DCX: variants seen among roughly 807,000 people sequenced by gnomAD.
DCX encodes the protein doublecortin.
DCX carries 4 observed loss-of-function variants against 20.9 expected under a neutral mutation model. The ratio of observed to expected loss-of-function variants is 0.19; its 90% confidence interval spans 0.09 to 0.44. DCX has a LOEUF of 0.44. Ranked by LOEUF, DCX falls within the 20% of genes least tolerant of loss-of-function variation. DCX has a pLI of 0.99. For synonymous variants in DCX, 103 were observed against 111.4 expected (o/e 0.92, Z 0.47); for missense variants, 133 against 296.9 (o/e 0.45, Z 4.06).
At chrX:111,395,532 G>A (rs997802921) in intron 3 of DCX, among the ~76,000 whole-genome samples, 7 of 112,011 alleles carry the variant, frequency 6.2e-5, no homozygotes, top group Non-Finnish European at 3.8e-5. Context: ...TTGATGTTTG[G>A]CCACTCTTTT....
At chrX:111,318,191 A>G (rs1259568584) in intron 5 of DCX, among the ~76,000 whole-genome samples, 2 of 105,215 alleles carry the variant, frequency 1.9e-5, no homozygotes, top group Non-Finnish European at 3.9e-5. Context: ...TCTCAAAAAA[A>G]AAAAAAAAAA....
chrX:111,314,124 T>C (rs1285419742), intron 5 of DCX, among the ~76,000 whole-genome samples: 2 of 111,531 alleles, frequency 1.8e-5, no homozygotes, highest in African/African-American at 3.3e-5. Flanking sequence ...GAGACATCAG[T>C]GTAGTGGTTG....
intron 3 of DCX, among the ~76,000 whole-genome samples, chrX:111,377,183 G>T (rs1925603751): frequency 9.0e-6 from 1 of 111,648 alleles, no homozygotes; most frequent in African/African-American, 3.3e-5. Context: ...TTGAAGAGCT[G>T]CAAAAAATCA....
At chrX:111,408,457 C>T (rs1420553679) in intron 2 of DCX, among the ~76,000 whole-genome samples, 2 of 109,504 alleles carry the variant, frequency 1.8e-5, no homozygotes, top group African/African-American at 3.3e-5. Context: ...CCCACCTCTA[C>T]TAAAAATACA....
intron 6 of DCX, among the ~76,000 whole-genome samples, chrX:111,305,769 G>A (rs759905985): frequency 2.4e-4 from 27 of 110,667 alleles, no homozygotes; most frequent in Non-Finnish European, 4.0e-4. Flanking sequence ...GTATAAAGAT[G>A]TAATTTGTAT....
In DCX at chrX:111,400,986, C is replaced by T. The variant is rs1362913265; in HGVS notation, c.705+4G>A. On this transcript the variant is annotated splice_donor_region_variant and intron_variant, in intron 3 of 6. Coordinates refer to ENST00000636035, the MANE Select transcript of DCX (RefSeq NM_001195553.2). ...CGGGAAAAGTACTTTGAAAAAGTAC[C>T]TACCTGTTTTCCATCCAGAGTGTAG... 5.8e-6 allele frequency: 7 copies of T among 1,206,230 alleles called. No individual in the cohort carries two copies. The highest frequency in any genetic ancestry group is 7.9e-6 in the Non-Finnish European group (7 of 890,599).
intron 3 of DCX, among the ~76,000 whole-genome samples, chrX:111,340,220 C>A (rs1046532468): frequency 1.8e-5 from 2 of 112,595 alleles, no homozygotes; most frequent in Non-Finnish European, 3.8e-5. Flanking sequence ...GGTCCCAAGA[C>A]ATGTCCACAA....
rs1225943807 is a variant in DCX, at chrX:111,300,718, C to T, written c.*969G>A. ...GCCTGAAGAGTTTGCTCCTGAAATA[C>T]AGACATGAATTTTTATAAAAAGGAT... On this transcript the variant is annotated 3_prime_UTR_variant, in exon 7 of 7. Coordinates refer to ENST00000636035, the MANE Select transcript of DCX (RefSeq NM_001195553.2). 1.8e-5 allele frequency: 2 copies of T among 108,673 alleles called. No homozygotes were observed. Among genetic ancestry groups the T allele is most frequent in the Non-Finnish European group, 3.8e-5 (2 of 52,358 alleles). 9.0% of individuals were successfully genotyped at this position (108,673 alleles called of 1,213,427 possible). A position where few individuals can be genotyped will look rare whatever the true frequency, so the allele number is the denominator to read the frequency against.
At chrX:111,401,736 A>G (rs1927809403) in intron 2 of DCX, among the ~76,000 whole-genome samples, 1 of 110,802 alleles carries the variant, frequency 9.0e-6, no homozygotes, top group Non-Finnish European at 1.9e-5. Context: ...TCCCTGTCCT[A>G]TTTTTGGACT....
rs2147276399 is a variant in DCX, at chrX:111,410,190, T to C, written c.209A>G (p.Tyr70Cys). 1 of 1,211,661 alleles carries C rather than the reference T, an allele frequency of 8.3e-7. No individual in the cohort carries two copies. Among genetic ancestry groups the C allele is most frequent in the Non-Finnish European group, 1.1e-6 (1 of 895,523 alleles). Residue 70 changes from tyrosine to cysteine, a missense_variant, in exon 2 of 7, where the codon TAC (tyrosine) becomes TGC (cysteine). Tyr to Cys is a radical substitution (Grantham distance 194). Coordinates refer to ENST00000636035, the MANE Select transcript of DCX (RefSeq NM_001195553.2). ...GCGAAAACGGTCAGAGGACACAGCG[T>C]ACACAATCCCCTTGAAGTAGCGGTC... ...NGDRYFKGIV[Y>C]AVSSDRFRSF... is the part of the protein sequence containing the mutation.
rs1354294892 is a variant in DCX, at chrX:111,381,050, A to G, written c.705+19940T>C. Among the ~76,000 whole-genome samples, 4 of 110,716 alleles carry G rather than the reference A, an allele frequency of 3.6e-5. No individual in the cohort carries two copies. In the East Asian group the frequency reaches 8.5e-4, roughly 24 times the overall value. On this transcript the variant is annotated intron_variant, in intron 3 of 6. Coordinates refer to ENST00000636035, the MANE Select transcript of DCX (RefSeq NM_001195553.2). ...TAAAACCCAGGTATTTTGACTCCCA[A>G]TCAAAGATGTTTTTACCATCAACAT...
At chrX:111,333,424 C>T (rs1921443485) in intron 3 of DCX, among the ~76,000 whole-genome samples, 1 of 111,197 alleles carries the variant, frequency 9.0e-6, no homozygotes, top group Admixed American at 9.6e-5. Context: ...AATGGAATGC[C>T]GTTTTCTGAA....
chrX:111,358,697 T>C (rs868368183), intron 3 of DCX, among the ~76,000 whole-genome samples: 3 of 112,056 alleles, frequency 2.7e-5, no homozygotes, highest in African/African-American at 6.5e-5. Flanking sequence ...TCATAGTCTG[T>C]GATTATCCAC....
At chrX:111,327,286 G>GAAATGAACAGGT (rs1229055772) in intron 5 of DCX, among the ~76,000 whole-genome samples, 2 of 111,976 alleles carry the variant, frequency 1.8e-5, no homozygotes, top group African/African-American at 3.2e-5. Context: ...GTACTACCAT[G>GAAATGAACAGGT]TCCTAGAAAT....
At chrX:111,404,209 G>T (rs906339774) in intron 2 of DCX, among the ~76,000 whole-genome samples, 1 of 110,345 alleles carries the variant, frequency 9.1e-6, no homozygotes, top group South Asian at 3.9e-4. Flanking sequence ...GAGGAAAAGA[G>T]GAAAAAATTG....
At chrX:111,352,720 T>A (rs1378519466) in intron 3 of DCX, among the ~76,000 whole-genome samples, 1 of 111,035 alleles carries the variant, frequency 9.0e-6, no homozygotes, top group Non-Finnish European at 1.9e-5. Context: ...CTGCTGCCTT[T>A]TGAATCTCTG....
At chrX:111,365,704 GA>G (rs1215558425) in intron 3 of DCX, among the ~76,000 whole-genome samples, 2 of 106,266 alleles carry the variant, frequency 1.9e-5, no homozygotes, top group Non-Finnish European at 3.9e-5. Context: ...TTATAAACAA[GA>G]AAAAAAGAAA....
At chrX:111,310,240 G>A (rs2095054465) in intron 6 of DCX, among the ~76,000 whole-genome samples, 1 of 111,616 alleles carries the variant, frequency 9.0e-6, no homozygotes, top group Admixed American at 9.5e-5. Flanking sequence ...GCTGAGGCAG[G>A]AGAATGGCTT....
intron 5 of DCX, among the ~76,000 whole-genome samples, chrX:111,314,729 AAAG>A (rs2095065614): frequency 8.9e-6 from 1 of 112,068 alleles, no homozygotes; most frequent in Non-Finnish European, 1.9e-5. Context: ...GCCCTTAAAA[AAAG>A]AAGAATCAGA....
Sources: allele counts gnomAD v4.1 joint callset (sites outside exome capture counted in the v4.1 genomes callset), GRCh38; gene constraint gnomAD v4.1.1; transcripts MANE v1.5; gene names NCBI Gene and HGNC (gene_info 2026-07-23, HGNC 2026-07-21).